The following TPM4 variants were observed in gnomAD, a reference collection of about 807,000 sequenced individuals.
TPM4 encodes tropomyosin 4, also known as tropomyosin alpha-4 chain.
In TPM4, 17 loss-of-function variants were observed where a neutral mutation model predicts 35.8. That is an observed-to-expected ratio of 0.47 (90% CI 0.32 to 0.71). The LOEUF (loss-of-function observed/expected upper bound fraction) is 0.71. TPM4 is among the 30% of genes least tolerant of loss of function. The pLI is 0.03. For synonymous variants in TPM4, 120 were observed against 122.9 expected (o/e 0.98, Z 0.15); for missense variants, 240 against 320.9 (o/e 0.75, Z 1.93).
At position 16,089,063 on chromosome 19, in the gene TPM4, A is replaced by G. The variant is rs765186763; in HGVS notation, c.474A>G (p.Glu158=). Residue 158 remains glutamate, a synonymous_variant, in exon 5 of 8, where the codon GAA becomes GAG. Transcript: ENST00000643579. Reference sequence around the variant, plus strand: ...TGTGCAGAAAATGTGGTGACCTGGAAGAAGAACTCAAGAATGTTACTAACA... The same window carrying G: ...TGTGCAGAAAATGTGGTGACCTGGAGGAAGAACTCAAGAATGTTACTAACA... The part of the protein sequence containing the change: ...EVSELKCGDL[E]EELKNVTNNL... 18 of 1,614,152 alleles carry G rather than the reference A, an allele frequency of 1.1e-5. No homozygotes were observed. The highest frequency in any genetic ancestry group is 1.5e-5 in the Non-Finnish European group (18 of 1,180,018).
chr19:16,077,728 C>G (rs758236115), intron 1 of TPM4, among the ~76,000 whole-genome samples: 4 of 151,976 alleles, frequency 2.6e-5, no homozygotes, highest in Non-Finnish European at 5.9e-5. Flanking sequence ...AGGCGTGGAG[C>G]CTGGCGCTTT....
At chr19:16,086,379 G>T in intron 2 of TPM4, 44 bp from the exon 3 acceptor site, 1 of 1,515,630 alleles carries the variant, frequency 6.6e-7, no homozygotes, top group Non-Finnish European at 9.2e-7. Flanking sequence ...GGTGGGTGGA[G>T]GGGTGTGAGT....
intron 5 of TPM4, 144 bp downstream of exon 5, chr19:16,089,264 C>T: frequency 9.4e-7 from 1 of 1,060,360 alleles, no homozygotes; most frequent in Non-Finnish European, 1.4e-6. Context: ...GGTTTTTCCC[C>T]TACAGAAAGA....
intron 7 of TPM4, among the ~76,000 whole-genome samples, chr19:16,097,278 T>C (rs910931920): frequency 1.5e-4 from 22 of 150,144 alleles, no homozygotes; most frequent in Non-Finnish European, 1.8e-4. Context: ...CTTTTTTTTT[T>C]CTTCTTTCTT....
At chr19:16,079,264 T>G (rs148636191) in intron 1 of TPM4, among the ~76,000 whole-genome samples, 141 of 152,316 alleles carry the variant, frequency 9.3e-4, no homozygotes, top group African/African-American at 3.2e-3. Flanking sequence ...TTAAAATCAA[T>G]TCCTCGACTG....
upstream of TPM4, chr19:16,076,065 C>A: frequency 3.1e-6 from 5 of 1,608,362 alleles, no homozygotes; most frequent in Non-Finnish European, 4.2e-6. Context: ...GGAGCTGACG[C>A]ACCTCCAGAA....
chr19:16,072,713 C>T (rs950541547), upstream of TPM4, among the ~76,000 whole-genome samples: 1 of 152,062 alleles, frequency 6.6e-6, no homozygotes, highest in Non-Finnish European at 1.5e-5. Flanking sequence ...GTCAGGAGTT[C>T]GAGACCAGCC....
intron 1 of TPM4, 160 bp downstream of exon 1, chr19:16,076,857 A>G: frequency 7.2e-6 from 9 of 1,242,280 alleles, no homozygotes; most frequent in Non-Finnish European, 9.1e-6. Flanking sequence ...GCCCGCAGCC[A>G]GGACCCCCTA....
At chr19:16,079,722 C>T (rs567480304) in intron 1 of TPM4, 29 of 183,770 alleles carry the variant, frequency 1.6e-4, no homozygotes, top group South Asian at 5.9e-4. Context: ...TTTTTTGAGA[C>T]GGAATCTTGC....
intron 2 of TPM4, among the ~76,000 whole-genome samples, chr19:16,083,982 A>G (rs1297594106): frequency 6.6e-6 from 1 of 151,954 alleles, no homozygotes; most frequent in East Asian, 1.9e-4. Context: ...GCTGGAGTGC[A>G]CTGGCGTGAT....
chr19:16,078,137 CTGATGGAG>C, intron 1 of TPM4: 2 of 398,662 alleles, frequency 5.0e-6, no homozygotes, highest in Non-Finnish European at 8.8e-6. Context: ...AGCTGACTCA[CTGATGGAG>C]CGAGGTCTGC....
intron 2 of TPM4, among the ~76,000 whole-genome samples, chr19:16,083,436 ACT>A (rs1325962747): frequency 1.3e-5 from 2 of 151,976 alleles, no homozygotes; most frequent in South Asian, 2.1e-4. Context: ...ACAGAGTGAG[ACT>A]CTGTCTCAAA....
intron 2 of TPM4, among the ~76,000 whole-genome samples, chr19:16,069,641 TTTCTGTTGGTGTGTGTGTGG>T (rs2090335811): frequency 6.6e-6 from 1 of 150,882 alleles, no homozygotes; most frequent in African/African-American, 2.4e-5. Flanking sequence ...TGAGTGTGTG[TTTCTGTTGGTGTGTGTGTGG>T]ATGAGTGTGT....
chr19:16,099,057 T>C (rs908651523), intron 7 of TPM4, among the ~76,000 whole-genome samples: 2 of 149,492 alleles, frequency 1.3e-5, no homozygotes, highest in Non-Finnish European at 3.0e-5. Flanking sequence ...TCCCAGGTCA[T>C]AGTCACTTGA....
chr19:16,084,306 A>G (rs1276065452), intron 2 of TPM4, among the ~76,000 whole-genome samples: 4 of 152,206 alleles, frequency 2.6e-5, no homozygotes, highest in Middle Eastern at 3.2e-3. Context: ...CAAGCTGGAA[A>G]TTTCTTCCCA....
upstream of TPM4, among the ~76,000 whole-genome samples, chr19:16,072,907 A>C (rs1449813816): frequency 6.6e-6 from 1 of 152,200 alleles, no homozygotes; most frequent in Non-Finnish European, 1.5e-5. Flanking sequence ...ACTCTGTCTC[A>C]AAAAATATAT....
At chr19:16,095,416 G>A in intron 7 of TPM4, 1 of 1,030,654 alleles carries the variant, frequency 9.7e-7, no homozygotes, top group Non-Finnish European at 1.2e-6. Context: ...GCTTCTAGGA[G>A]CTCCGGTGGC....
At chr19:16,080,598 G>A (rs747555814) in intron 1 of TPM4, among the ~76,000 whole-genome samples, 3 of 152,196 alleles carry the variant, frequency 2.0e-5, no homozygotes, top group African/African-American at 4.8e-5. Flanking sequence ...ATCACGTGAG[G>A]CCAGGAGTTT....
chr19:16,087,004 A>T (rs975891159), intron 3 of TPM4, among the ~76,000 whole-genome samples: 1 of 152,110 alleles, frequency 6.6e-6, no homozygotes, highest in African/African-American at 2.4e-5. Context: ...GCAAAAGGCC[A>T]GGCGCGGTGG....
Sources: gnomAD v4.1 joint callset for allele counts (sites outside exome capture counted in the v4.1 genomes callset) on GRCh38, gnomAD v4.1.1 for gene constraint, MANE v1.5 for transcripts, NCBI Gene and HGNC (gene_info 2026-07-23, HGNC 2026-07-21) for gene names.